KIFC2: variants seen among roughly 807,000 people sequenced by gnomAD.
KIFC2 encodes kinesin family member C2.
KIFC2 carries 94 observed loss-of-function variants against 91.5 expected under a neutral mutation model. The ratio of observed to expected loss-of-function variants is 1.03; its 90% CI spans 0.87 to 1.22. The LOEUF is 1.22. KIFC2 is among the 50% of genes most tolerant of loss of function. The pLI is 0.00. For missense variants in KIFC2, 1,357 were observed against 1,103.3 expected, an observed-to-expected ratio of 1.23 and a Z score of -3.26; for synonymous variants, 729 against 503.9, an observed-to-expected ratio of 1.45 and a Z score of -5.98.
rs1237478741 is a variant in KIFC2, at chr8:144,469,373, C to A, written c.1216C>A (p.Leu406Ile). The A allele has an allele frequency of 6.2e-7, 1 of 1,611,406 alleles. No individual in the cohort carries two copies. The highest frequency in any genetic ancestry group is 1.1e-5 in the South Asian group (1 of 90,826). The change falls in exon 11 of 18, where the codon CTC becomes ATC. Residue 406 changes from leucine to isoleucine, a missense_variant. Coordinates refer to ENST00000645548, the MANE Select transcript of KIFC2 (RefSeq NM_001369769.2). ...CGGATGCCCAGGGCGGCTGCCAGAA[C>A]TCAAGGGTATGACAGGCTTGGGAGC... Reference protein sequence around the residue: ...PAGCPGRLPELKGNIRVLCRL... With the variant: ...PAGCPGRLPEIKGNIRVLCRL...
rs1564747937 is a variant in KIFC2, at chr8:144,468,648, C to G, written c.1001C>G (p.Ala334Gly). Reference protein sequence around the residue: ...RELQQMHGQLAGLRARMASLR... With the variant: ...RELQQMHGQLGGLRARMASLR... ...CTACAGCAGATGCATGGGCAGCTGG[C>G]AGGTAAGGGTTGGGGTTGGGGCTCA... Residue 334 changes from alanine (A) to glycine (G), a missense_variant and splice_region_variant, in exon 9 of 18, where the codon GCA becomes GGA. Physicochemically the swap from Ala to Gly is moderately conservative, Grantham distance 60. Coordinates refer to ENST00000645548, the MANE Select transcript of KIFC2 (RefSeq NM_001369769.2). 6.2e-7 allele frequency: 1 copy of G among 1,613,138 alleles called. No individual in the cohort carries two copies. Among genetic ancestry groups the G allele is most frequent in the Admixed American group, 1.7e-5 (1 of 59,958 alleles).
At position 144,471,965 on chromosome 8, in the gene KIFC2, G is replaced by C. The variant is rs549512387; in HGVS notation, c.1404G>C (p.Ala468=). 2.4e-5 allele frequency: 38 copies of C among 1,613,358 alleles called. No homozygotes were observed. In the East Asian group the frequency reaches 8.0e-4, roughly 34 times the overall value. The change falls in exon 13 of 18, where the codon GCG becomes GCC. Residue 468 remains alanine (A), a synonymous_variant. Coordinates refer to ENST00000645548, the MANE Select transcript of KIFC2 (RefSeq NM_001369769.2). ...QEEVFRELEP[A]VLSCLRGYSV... ...AGGTCTTCAGAGAGCTGGAACCTGCGGTGCTGTCCTGCCTCCGAGGCTACA... is the reference window on the plus strand; with the variant it reads ...AGGTCTTCAGAGAGCTGGAACCTGCCGTGCTGTCCTGCCTCCGAGGCTACA...
chr8:144,469,234 C>T, intron 10 of KIFC2, 37 bp from the exon 11 acceptor site: 1 of 1,507,836 alleles, frequency 6.6e-7, no homozygotes, highest in African/African-American at 1.4e-5. Flanking sequence ...AGCTCCTTGG[C>T]TGACCCCTTG....
chr8:144,466,946 C>G lies in KIFC2; in HGVS notation c.179-13C>G, dbSNP rs747267011. The G allele has an allele frequency of 9.4e-6, 15 of 1,588,222 alleles. No individual in the cohort carries two copies. The highest frequency in any genetic ancestry group is 1.3e-5 in the Non-Finnish European group (15 of 1,174,804). ...GACCCGAAATGTCTCCCGCCCTCCT[C>G]CCTGACCGGCAGCCAGCTCCGAGCC... On this transcript the variant is annotated splice_polypyrimidine_tract_variant and intron_variant, in intron 2 of 17. Transcript: ENST00000645548.
chr8:144,467,021 C>T lies in KIFC2; in HGVS notation c.241C>T (p.Leu81=), dbSNP rs749817940. ...AAEGRAAAVS[L]EEALLRLAEF... ...CGAGGGCCGCGCGGCCGCGGTGTCC[C>T]TGGAAGAGGCCCTACTGCGCCTCGC... Residue 81 remains leucine (L), a synonymous_variant, in exon 3 of 18, where the codon CTG becomes TTG. Coordinates refer to ENST00000645548, the MANE Select transcript of KIFC2 (RefSeq NM_001369769.2). 34 of 1,597,176 alleles carry T rather than the reference C, an allele frequency of 2.1e-5. No individual in the cohort carries two copies. The highest frequency in any genetic ancestry group is 5.1e-5 in the Admixed American group (3 of 58,502).
chr8:144,466,452 C>T lies in KIFC2; in HGVS notation c.33C>T (p.Ile11=), dbSNP rs769870122. Residue 11 remains isoleucine (I), a synonymous_variant, in exon 1 of 18, where the codon ATC becomes ATT. Coordinates refer to ENST00000645548, the MANE Select transcript of KIFC2 (RefSeq NM_001369769.2). MYAFYSLLIY[I]FYSLFRRDGG... is the part of the protein sequence containing the mutation. ...CCTTTTACTCGTTGCTCATCTACAT[C>T]TTCTACAGCCTCTTCCGCAGGGATG... 1.2e-5 allele frequency: 16 copies of T among 1,361,048 alleles called. No homozygotes were observed. Among genetic ancestry groups the T allele is most frequent in the African/African-American group, 4.6e-5 (3 of 65,484 alleles). The allele number at this position is 1,361,048 out of a possible 1,614,324, so 84.3% of individuals were successfully genotyped here. A position where few individuals can be genotyped will look rare whatever the true frequency, so the allele number is the denominator to read the frequency against.
intron 12 of KIFC2, among the ~76,000 whole-genome samples, chr8:144,471,104 C>G (rs766756818): frequency 3.9e-5 from 6 of 151,916 alleles, no homozygotes; most frequent in Non-Finnish European, 8.8e-5. Flanking sequence ...GCTGGGATTA[C>G]AGGTGCGTGC....
At position 144,466,818 on chromosome 8, in the gene KIFC2, C is replaced by A; in HGVS notation, c.158C>A (p.Thr53Asn). Residue 53 changes from threonine to asparagine, a missense_variant, in exon 2 of 18, where the codon ACC becomes AAC. Transcript: ENST00000645548. ...RPDLPAPELW[T>N]ELTGLAASSE... ...GACCTGCCCGCGCCAGAGCTGTGGACCGAGCTGACCGGCCTGGCCGGTAGG... is the reference window on the plus strand; with the variant it reads ...GACCTGCCCGCGCCAGAGCTGTGGAACGAGCTGACCGGCCTGGCCGGTAGG... 1.3e-6 allele frequency: 2 copies of A among 1,537,202 alleles called. No homozygotes were observed. The highest frequency in any genetic ancestry group is 8.7e-7 in the Non-Finnish European group (1 of 1,148,602).
Position 144,471,947 on chromosome 8 carries a change from C to G in KIFC2, c.1386C>G (p.Phe462Leu). The G allele has an allele frequency of 6.2e-7, 1 of 1,613,186 alleles. No individual in the cohort carries two copies. Residue 462 changes from phenylalanine (F) to leucine (L), a missense_variant, in exon 13 of 18, where the codon TTC becomes TTG. By Grantham distance (22) the Phe-to-Leu change is conservative (BLOSUM62 0). Transcript: ENST00000645548. ...FPPDASQEEVFRELEPAVLSC... is the reference protein window; with the variant it reads ...FPPDASQEEVLRELEPAVLSC... ...CATTCTCCCGCCTCCCGCAGGTCTTCAGAGAGCTGGAACCTGCGGTGCTGT... is the reference window on the plus strand; with the variant it reads ...CATTCTCCCGCCTCCCGCAGGTCTTGAGAGAGCTGGAACCTGCGGTGCTGT...
chr8:144,466,603 G>T, intron 1 of KIFC2, 85 bp downstream of exon 1: 1 of 869,430 alleles, frequency 1.2e-6, no homozygotes, highest in Non-Finnish European at 1.5e-6. Flanking sequence ...GGGCGGGCAC[G>T]GGGCGCGGGG....
chr8:144,468,958 G>C, intron 10 of KIFC2, 124 bp downstream of exon 10: 1 of 744,496 alleles, frequency 1.3e-6, no homozygotes, highest in Non-Finnish European at 2.2e-6. Flanking sequence ...AACAGCTTCT[G>C]TGTGACCCAG....
rs770595853 is a variant in KIFC2, at chr8:144,472,966, C to G, written c.2033C>G (p.Pro678Arg). Reference protein sequence around the residue: ...GVMAALRAHRPHVPFRDSQLT... With the variant: ...GVMAALRAHRRHVPFRDSQLT... Reference sequence around the variant, plus strand: ...ATGGCCGCACTGCGGGCCCACCGGCCGCACGTGCCCTTCCGCGACTCGCAG... The same window carrying G: ...ATGGCCGCACTGCGGGCCCACCGGCGGCACGTGCCCTTCCGCGACTCGCAG... Residue 678 changes from proline (P) to arginine (R), a missense_variant, in exon 17 of 18, where the codon CCG becomes CGG. Pro to Arg is a moderately radical substitution (Grantham distance 103, BLOSUM62 -2). Transcript: ENST00000645548. The G allele has an allele frequency of 2.7e-6, 4 of 1,459,964 alleles. No individual in the cohort carries two copies. In the African/African-American group the frequency reaches 4.4e-5, roughly 16 times the overall value. 90.4% of individuals were successfully genotyped at this position (1,459,964 alleles called of 1,614,324 possible).
chr8:144,469,268 C>T lies in KIFC2; in HGVS notation c.1114-3C>T. The T allele has an allele frequency of 1.9e-6, 3 of 1,588,412 alleles. No homozygotes were observed. Among genetic ancestry groups the T allele is most frequent in the Non-Finnish European group, 2.6e-6 (3 of 1,169,298 alleles). On this transcript the variant is annotated splice_region_variant and splice_polypyrimidine_tract_variant and intron_variant, in intron 10 of 17. Coordinates refer to ENST00000645548, the MANE Select transcript of KIFC2 (RefSeq NM_001369769.2). ...TGCCTTCTGTACATCCCTGTTCCCT[C>T]AGGTGTCCTGGGCCTTGGGGGCACT...
rs774695546 is a variant in KIFC2, at chr8:144,467,807, C to T, written c.681+28C>T. 5.0e-6 allele frequency: 8 copies of T among 1,613,534 alleles called. No individual in the cohort carries two copies. In the South Asian group the frequency reaches 6.6e-5, roughly 13 times the overall value. On this transcript the variant is annotated intron_variant, in intron 6 of 17. Coordinates refer to ENST00000645548, the MANE Select transcript of KIFC2 (RefSeq NM_001369769.2). ...GAGGCTGCAGGGAGACCTGGCAGGG[C>T]CGGGCATGGAGGGGGTGCTTCAGGT...
rs1443145265 is a variant in KIFC2 at position 144,472,185 on chromosome 8, G to C, written c.1533G>C (p.Leu511=). ...PGIVPRALQS[L]FREMGAGRQH... ...TAGTTCCTAGGGCGCTGCAGTCGCT[G>C]TTCCGGGAGATGGGGGCCGGCCGGC... Residue 511 remains leucine (L), a synonymous_variant, in exon 14 of 18, where the codon CTG becomes CTC. Transcript: ENST00000645548. The C allele has an allele frequency of 6.2e-7, 1 of 1,613,346 alleles. No individual in the cohort carries two copies. The highest frequency in any genetic ancestry group is 1.1e-5 in the South Asian group (1 of 91,086).
chr8:144,472,505 G>A (rs538624568), intron 15 of KIFC2, 21 bp downstream of exon 15: 11 of 1,611,202 alleles, frequency 6.8e-6, no homozygotes, highest in African/African-American at 2.7e-5. Flanking sequence ...ACCGCTCTCC[G>A]AGACCCCGCC....
rs540920678 is a variant in KIFC2, at chr8:144,471,164, C to T, written c.1381-778C>T. 1.3e-4 allele frequency among the ~76,000 whole-genome samples: 20 copies of T among 152,144 alleles called. 1 individual carries two copies. The South Asian group carries it at 1.9e-3, about 14-fold the overall frequency. ...TTTTTAGTAGAGACAGGGGTTTCAC[C>T]GCGTTTGCCAGGCTGGTCTTGAACT... On this transcript the variant is annotated intron_variant, in intron 12 of 17. Coordinates refer to ENST00000645548, the MANE Select transcript of KIFC2 (RefSeq NM_001369769.2).
intron 13 of KIFC2, 35 bp downstream of exon 13, chr8:144,472,081 C>T (rs1824949267): frequency 6.2e-7 from 1 of 1,613,210 alleles, no homozygotes. Context: ...GGGAGAGGCC[C>T]CAGGGGCCCT....
In KIFC2 at chr8:144,467,708, C is replaced by A; in HGVS notation, c.616-6C>A. On this transcript the variant is annotated splice_region_variant and splice_polypyrimidine_tract_variant and intron_variant, in intron 5 of 17. Transcript: ENST00000645548. ...GGTCCACCCTGTCTCTCTTACTTCT[C>A]CCCAGCTGGAGGAGCTGAAGCAGCA... 1 of 1,613,686 alleles carries A rather than the reference C, an allele frequency of 6.2e-7. No individual in the cohort carries two copies. Among genetic ancestry groups the A allele is most frequent in the Non-Finnish European group, 8.5e-7 (1 of 1,179,882 alleles).
Sources: gnomAD v4.1 joint callset for allele counts (sites outside exome capture counted in the v4.1 genomes callset) on GRCh38, gnomAD v4.1.1 for gene constraint, MANE v1.5 for transcripts, NCBI Gene and HGNC (gene_info 2026-07-23, HGNC 2026-07-21) for gene names.